Variants in IGBP1 observed in about 807,000 individuals in gnomAD.
IGBP1 encodes immunoglobulin-binding protein 1.
In IGBP1, 2 loss-of-function variants were observed where a neutral mutation model predicts 25.9. The observed-to-expected ratio is 0.08, with a 90% CI of 0.03 to 0.24. The LOEUF is 0.24. Among genes scored for constraint, IGBP1 ranks in the 10% least tolerant of loss-of-function variants. IGBP1 has a pLI of 1.00. For synonymous variants in IGBP1, 96 were observed against 93.4 expected, an observed-to-expected ratio of 1.03 and a Z score of -0.16; for missense variants, 187 against 260.4, an observed-to-expected ratio of 0.72 and a Z score of 1.94.
chrX:70,149,684 C>T (rs1357492079), intron 5 of IGBP1: 1 of 114,565 alleles, frequency 8.7e-6, no homozygotes, highest in Admixed American at 8.9e-5. Flanking sequence ...CACATGTAAA[C>T]AAGCAAATAA....
Position 70,134,567 on chromosome X carries a change from A to T in IGBP1, c.233A>T (p.Tyr78Phe). 1 of 1,211,461 alleles carries T rather than the reference A, an allele frequency of 8.3e-7. No homozygotes were observed. The highest frequency in any genetic ancestry group is 1.1e-6 in the Non-Finnish European group (1 of 895,178). Residue 78 changes from tyrosine (Y) to phenylalanine (F), a missense_variant, in exon 3 of 7, where the codon TAC becomes TTC. Physicochemically the swap from Tyr to Phe is conservative, Grantham distance 22 (BLOSUM62 3). Coordinates refer to ENST00000356413, the MANE Select transcript of IGBP1 (RefSeq NM_001551.3). The part of the protein sequence containing the change: ...LEEIASTDLK[Y>F]LLVPAFQGAL... ...GAGATTGCTTCCACCGACCTGAAGT[A>T]CCTTTTGGTGCCAGCGTTTCAAGGA...
Position 70,150,321 on chromosome X carries a change from A to C in IGBP1, c.870A>C (p.Pro290=), listed in dbSNP as rs773061036. The C allele has an allele frequency of 1.8e-6, 2 of 1,118,166 alleles. No homozygotes were observed. The highest frequency in any genetic ancestry group is 2.5e-6 in the Non-Finnish European group (2 of 811,710). The allele number at this position is 1,118,166 out of a possible 1,213,427, so 92.1% of individuals were successfully genotyped here. ...LPDQGIAKAA[P]EEFRKAAQQQ... ...ATCAGGGAATAGCCAAGGCAGCACC[A>C]GGTATGACGGGGTAGGAGGGAAATA... is the stretch of plus-strand genomic sequence containing the variant. The change falls in exon 6 of 7, where the codon CCA becomes CCC. Residue 290 remains proline, a splice_region_variant and synonymous_variant. Transcript: ENST00000356413.
intron 6 of IGBP1, among the ~76,000 whole-genome samples, chrX:70,152,423 A>G (rs1465195252): frequency 1.8e-5 from 2 of 111,781 alleles, no homozygotes; most frequent in Non-Finnish European, 3.8e-5. Context: ...TCTCTACAAT[A>G]TATCATTTGT....
intron 6 of IGBP1, among the ~76,000 whole-genome samples, chrX:70,157,752 C>T (rs1202830093): frequency 8.9e-6 from 1 of 111,827 alleles, no homozygotes; most frequent in African/African-American, 3.2e-5. Flanking sequence ...AGTGTTCACC[C>T]TTAGTTGGGG....
At chrX:70,145,153 C>G (rs1344683691) in intron 3 of IGBP1, among the ~76,000 whole-genome samples, 1 of 110,388 alleles carries the variant, frequency 9.1e-6, no homozygotes, top group Non-Finnish European at 1.9e-5. Context: ...TTAAGACCCC[C>G]TGATTTGGGT....
chrX:70,148,552 T>C (rs2147578662), intron 4 of IGBP1: 1 of 408,266 alleles, frequency 2.4e-6, no homozygotes, highest in Non-Finnish European at 4.3e-6. Flanking sequence ...ACTTTCTCTT[T>C]CTTTCTTTTT....
chrX:70,163,776 A>C (rs1208472177), intron 6 of IGBP1: 1 of 112,176 alleles, frequency 8.9e-6, no homozygotes, highest in African/African-American at 3.2e-5. Flanking sequence ...GACATGTTAG[A>C]CTGCATCATG....
At chrX:70,139,523 A>C (rs1022825353) in intron 3 of IGBP1, among the ~76,000 whole-genome samples, 2 of 110,816 alleles carry the variant, frequency 1.8e-5, no homozygotes, top group African/African-American at 6.6e-5. Flanking sequence ...CCATACTTGC[A>C]ACACCCTTCC....
intron 6 of IGBP1, among the ~76,000 whole-genome samples, chrX:70,165,425 C>A (rs1304934021): frequency 9.1e-6 from 1 of 110,463 alleles, no homozygotes; most frequent in African/African-American, 3.3e-5. Flanking sequence ...ACCCCCCTGG[C>A]AACTCACAAA....
chrX:70,151,101 C>A (rs1478668063), intron 6 of IGBP1, among the ~76,000 whole-genome samples: 2 of 110,916 alleles, frequency 1.8e-5, no homozygotes, highest in Admixed American at 9.5e-5. Flanking sequence ...GCTGGGAATA[C>A]AGGCGCCTGC....
intron 6 of IGBP1, 31 bp from the exon 7 acceptor site, chrX:70,165,802 C>T (rs755385755): frequency 4.2e-6 from 5 of 1,182,560 alleles, no homozygotes; most frequent in Non-Finnish European, 5.7e-6. Context: ...CCCTCAATTT[C>T]TCACCTCCCT....
chrX:70,153,170 TGGG>T (rs1175400563), intron 6 of IGBP1, among the ~76,000 whole-genome samples: 1 of 111,748 alleles, frequency 8.9e-6, no homozygotes, highest in African/African-American at 3.3e-5. Flanking sequence ...TTCAAAGTGG[TGGG>T]GGGAGGAACC....
In IGBP1 at chrX:70,148,858, G is replaced by A. The variant is rs759287834; in HGVS notation, c.758+18G>A. The stretch of plus-strand genomic sequence containing the variant: ...CAAGCCAAGTAGGTAGTACTAGAAA[G>A]TTTGCTTTGCAGCCCTCTGCTTTTA... On this transcript the variant is annotated intron_variant, in intron 5 of 6. Coordinates refer to ENST00000356413, the MANE Select transcript of IGBP1 (RefSeq NM_001551.3). 3.6e-6 allele frequency: 4 copies of A among 1,105,314 alleles called. No homozygotes were observed. The highest frequency in any genetic ancestry group is 5.0e-6 in the Non-Finnish European group (4 of 799,769). The allele number at this position is 1,105,314 out of a possible 1,213,427, so 91.1% of individuals were successfully genotyped here. A position where few individuals can be genotyped will look rare whatever the true frequency, so the allele number is the denominator to read the frequency against.
chrX:70,152,700 T>C (rs147511848), intron 6 of IGBP1, among the ~76,000 whole-genome samples: 378 of 112,244 alleles, frequency 3.4e-3, no homozygotes, highest in African/African-American at 0.012. Flanking sequence ...AAAAATACAA[T>C]ATCTGAAAAT....
At chrX:70,146,507 T>C (rs1438818653) in intron 3 of IGBP1, 126 bp from the exon 4 acceptor site, 1 of 561,690 alleles carries the variant, frequency 1.8e-6, no homozygotes, top group Non-Finnish European at 3.1e-6. Context: ...TCTATATCCC[T>C]GCCAAGGTGG....
intron 3 of IGBP1, among the ~76,000 whole-genome samples, chrX:70,139,569 C>T (rs1165094773): frequency 1.8e-5 from 2 of 111,092 alleles, no homozygotes; most frequent in East Asian, 5.7e-4. Context: ...ATACCTTGAA[C>T]CCTTGGCTTT....
At chrX:70,136,068 A>G (rs758506899) in intron 3 of IGBP1, among the ~76,000 whole-genome samples, 4 of 111,790 alleles carry the variant, frequency 3.6e-5, no homozygotes, top group South Asian at 7.5e-4. Flanking sequence ...AAAGTCAACT[A>G]TTATTATTTG....
chrX:70,141,075 GTC>G (rs1220155638), intron 3 of IGBP1, among the ~76,000 whole-genome samples: 2 of 111,066 alleles, frequency 1.8e-5, no homozygotes, highest in Non-Finnish European at 3.8e-5. Flanking sequence ...GCTGGGTGCG[GTC>G]TCTCACACCT....
At chrX:70,156,287 TAAAAAAAAAA>T (rs202174045) in intron 6 of IGBP1, among the ~76,000 whole-genome samples, 49 of 74,284 alleles carry the variant, frequency 6.6e-4, no homozygotes, top group Middle Eastern at 7.1e-3. Context: ...TTCAATTTGT[TAAAAAAAAAA>T]AAAAAAAAAA....
Sources: gnomAD v4.1 joint callset for allele counts (sites outside exome capture counted in the v4.1 genomes callset) on GRCh38, gnomAD v4.1.1 for gene constraint, MANE v1.5 for transcripts, NCBI Gene and HGNC (gene_info 2026-07-23, HGNC 2026-07-21) for gene names.